Variants in SYT9 observed in about 807,000 individuals in gnomAD.
SYT9 encodes the protein synaptotagmin-9.
In SYT9, 22 loss-of-function variants were observed where a neutral mutation model predicts 48.4. The observed-to-expected ratio is 0.45, with a 90% CI of 0.32 to 0.65. The LOEUF is 0.65. SYT9 is among the 30% of genes least tolerant of loss of function. The pLI is 0.03. For synonymous variants in SYT9, 265 were observed against 245.0 expected (o/e 1.08, Z -0.76); for missense variants, 577 against 622.0 (o/e 0.93, Z 0.77).
chr11:7,442,343 C>T (rs1252473659), intron 6 of SYT9, among the ~76,000 whole-genome samples: 1 of 152,222 alleles, frequency 6.6e-6, no homozygotes, highest in African/African-American at 2.4e-5. Flanking sequence ...TCTCCTCCCA[C>T]TCTTCTGCAG....
chr11:7,251,956 G>C lies in SYT9; in HGVS notation c.-231G>C. On this transcript the variant is annotated 5_prime_UTR_variant, in exon 1 of 7. Coordinates refer to ENST00000318881, the MANE Select transcript of SYT9 (RefSeq NM_175733.4). Reference sequence around the variant, plus strand: ...CTCGGTGTCTGGGGAGGGACGGAGGGACCGGGCGGGAGAGAGAGAAAGCCT... The same window carrying C: ...CTCGGTGTCTGGGGAGGGACGGAGGCACCGGGCGGGAGAGAGAGAAAGCCT... 3 of 431,372 alleles carry C rather than the reference G, an allele frequency of 7.0e-6. No homozygotes were observed. Among genetic ancestry groups the C allele is most frequent in the Non-Finnish European group, 1.2e-5 (3 of 246,456 alleles). The allele number at this position is 431,372 out of a possible 1,614,324, so 26.7% of individuals were successfully genotyped here. A position where few individuals can be genotyped will look rare whatever the true frequency, so the allele number is the denominator to read the frequency against.
intron 1 of SYT9, among the ~76,000 whole-genome samples, chr11:7,256,997 AAAC>A (rs1265160782): frequency 6.6e-6 from 1 of 152,190 alleles, no homozygotes; most frequent in Non-Finnish European, 1.5e-5. Flanking sequence ...AAGAAAAAAC[AAAC>A]AACAGCAACA....
intron 6 of SYT9, among the ~76,000 whole-genome samples, chr11:7,444,983 C>T (rs1847900959): frequency 6.6e-6 from 1 of 152,138 alleles, no homozygotes; most frequent in African/African-American, 2.4e-5. Context: ...TTTGGGAACC[C>T]AGGAGAGAGT....
intron 1 of SYT9, among the ~76,000 whole-genome samples, chr11:7,239,404 C>T (rs1847717646): frequency 2.0e-5 from 3 of 152,102 alleles, no homozygotes; most frequent in Admixed American, 2.0e-4. Flanking sequence ...TTCAGTAGCC[C>T]TCTATAGACT....
At chr11:7,270,321 G>A (rs1466818431) in intron 1 of SYT9, among the ~76,000 whole-genome samples, 1 of 152,106 alleles carries the variant, frequency 6.6e-6, no homozygotes, top group African/African-American at 2.4e-5. Context: ...GCTCATAAAC[G>A]CTGTTATAGG....
intron 1 of SYT9, among the ~76,000 whole-genome samples, chr11:7,261,732 G>A (rs1423177867): frequency 1.3e-5 from 2 of 151,914 alleles, no homozygotes; most frequent in Non-Finnish European, 2.9e-5. Flanking sequence ...GCAGGAGAGC[G>A]GCGGGTACAA....
chr11:7,434,980 T>C (rs1564902906), intron 6 of SYT9: 2 of 152,174 alleles, frequency 1.3e-5, no homozygotes, highest in Non-Finnish European at 2.9e-5. Flanking sequence ...AATGTGCACT[T>C]ACCTAGAACT....
Position 7,432,582 on chromosome 11 carries a change from A to AAAT in SYT9, c.1467+11948_1467+11949insATA, listed in dbSNP as rs1847619483. 5.7e-4 allele frequency among the ~76,000 whole-genome samples: 2 copies of AAAT among 3,512 alleles called. 1 individual carries two copies. The highest frequency in any genetic ancestry group is 1.1e-3 in the Non-Finnish European group (2 of 1,774). 2.3% of individuals were successfully genotyped at this position (3,512 alleles called of 152,430 possible). On this transcript the variant is annotated intron_variant, in intron 6 of 6. Coordinates refer to ENST00000318881, the MANE Select transcript of SYT9 (RefSeq NM_175733.4). ...AAAAAAAAAAAAAAAAAAAAAAAAA[A>AAAT]ATATATATACATATATATATATATA...
Position 7,390,092 on chromosome 11 carries a change from G to A in SYT9, c.1045-25950G>A, listed in dbSNP as rs530310129. Among the ~76,000 whole-genome samples the A allele has an allele frequency of 1.6e-4, 24 of 152,162 alleles. No homozygotes were observed. The South Asian group carries it at 2.5e-3, about 16-fold the overall frequency. ...GTGGGTTTGCCGCACCCATCAACTC[G>A]TCATTTACATTAGGTATTTCTCCTA... On this transcript the variant is annotated intron_variant, in intron 3 of 6. Coordinates refer to ENST00000318881, the MANE Select transcript of SYT9 (RefSeq NM_175733.4).
chr11:7,334,634 C>A (rs61891217), intron 3 of SYT9, among the ~76,000 whole-genome samples: 1 of 139,934 alleles, frequency 7.1e-6, no homozygotes, highest in Non-Finnish European at 1.6e-5. Context: ...CCTGCCTCCA[C>A]TCCCTGCCAC....
At chr11:7,268,657 A>G (rs912922318) in intron 1 of SYT9, among the ~76,000 whole-genome samples, 3 of 152,034 alleles carry the variant, frequency 2.0e-5, no homozygotes, top group African/African-American at 7.2e-5. Flanking sequence ...ACTTTTGACG[A>G]TGTATGCAAC....
chr11:7,305,698 T>C (rs566909612), intron 2 of SYT9, among the ~76,000 whole-genome samples: 18 of 152,354 alleles, frequency 1.2e-4, no homozygotes, highest in South Asian at 1.0e-3. Flanking sequence ...TTTCTCATTA[T>C]GTTCTTTACT....
chr11:7,286,688 T>A (rs943259873), intron 1 of SYT9, among the ~76,000 whole-genome samples: 12 of 152,236 alleles, frequency 7.9e-5, no homozygotes, highest in African/African-American at 2.7e-4. Context: ...AGATGTTTAT[T>A]CCACCAGATA....
intron 1 of SYT9, among the ~76,000 whole-genome samples, chr11:7,240,417 A>G (rs1202399794): frequency 1.3e-5 from 2 of 152,206 alleles, no homozygotes; most frequent in African/African-American, 4.8e-5. Flanking sequence ...AAACAAAAAC[A>G]AAAAACTCCA....
chr11:7,307,024 T>C (rs956168793), intron 2 of SYT9, among the ~76,000 whole-genome samples: 2 of 152,232 alleles, frequency 1.3e-5, no homozygotes, highest in African/African-American at 4.8e-5. Flanking sequence ...GGGCCAGAAG[T>C]ATAAACTGAG....
At chr11:7,386,437 G>A (rs4290209) in intron 3 of SYT9, among the ~76,000 whole-genome samples, 131,052 of 150,674 alleles carry the variant, frequency 0.87, 57,402 homozygotes, top group Non-Finnish European at 0.93. Flanking sequence ...CAATGAACTC[G>A]AACAAATTTA....
intron 3 of SYT9, among the ~76,000 whole-genome samples, chr11:7,374,088 C>T (rs1460131141): frequency 6.6e-6 from 1 of 152,034 alleles, no homozygotes; most frequent in African/African-American, 2.4e-5. Context: ...ACACCCCCAA[C>T]AGGCCCTGGT....
intron 3 of SYT9, among the ~76,000 whole-genome samples, chr11:7,368,610 G>A (rs150587163): frequency 0.015 from 2,271 of 152,224 alleles, 26 homozygotes; most frequent in Middle Eastern, 0.048. Flanking sequence ...GTGAGAACAT[G>A]CAGTGTTTGG....
intron 6 of SYT9, among the ~76,000 whole-genome samples, chr11:7,443,226 G>A (rs765026591): frequency 4.6e-5 from 7 of 152,234 alleles, no homozygotes; most frequent in Non-Finnish European, 1.0e-4. Flanking sequence ...CTGAGCAAGT[G>A]CAAAGCACCC....
Sources: gnomAD v4.1 joint callset for allele counts (sites outside exome capture counted in the v4.1 genomes callset) on GRCh38, gnomAD v4.1.1 for gene constraint, MANE v1.5 for transcripts, NCBI Gene and HGNC (gene_info 2026-07-23, HGNC 2026-07-21) for gene names.